The following TFEC variants were observed in gnomAD, a reference collection of about 807,000 sequenced individuals.
TFEC encodes class E basic helix-loop-helix protein 34.
In TFEC, 31 loss-of-function variants were observed where a neutral mutation model predicts 41.6. The ratio of observed to expected loss-of-function variants is 0.74; its 90% CI spans 0.56 to 1.01. The LOEUF (loss-of-function observed/expected upper bound fraction) is 1.01. Among genes scored for constraint, TFEC ranks in the 50% least tolerant of loss-of-function variants. The pLI is 0.00. For missense variants in TFEC, 402 were observed against 404.1 expected (o/e 0.99, Z 0.04); for synonymous variants, 143 against 140.6 (o/e 1.02, Z -0.12).
chr7:115,936,235 A>G lies in TFEC; in HGVS notation c.*4316T>C, dbSNP rs963709107. On this transcript the variant is annotated 3_prime_UTR_variant, in exon 8 of 8. Coordinates refer to ENST00000265440, the MANE Select transcript of TFEC (RefSeq NM_012252.4). ...GAAATGTATTTTGTATTTATTAGGT[A>G]AATGTAATGAAATCTCTGTATATAT... 1.3e-5 allele frequency: 2 copies of G among 151,632 alleles called. No homozygotes were observed. The highest frequency in any genetic ancestry group is 4.8e-5 in the African/African-American group (2 of 41,414). The allele number at this position is 151,632 out of a possible 1,614,324, so 9.4% of individuals were successfully genotyped here.
intron 1 of TFEC, among the ~76,000 whole-genome samples, chr7:115,991,696 C>G (rs1562918059): frequency 6.6e-6 from 1 of 152,054 alleles, no homozygotes; most frequent in Admixed American, 6.5e-5. Context: ...ATATATGCAC[C>G]CAATACAAGA....
At chr7:116,110,371 A>G (rs1042006935) in intron 3 of TFEC, among the ~76,000 whole-genome samples, 1 of 152,166 alleles carries the variant, frequency 6.6e-6, no homozygotes, top group Non-Finnish European at 1.5e-5. Flanking sequence ...ATGAGATGAT[A>G]TAAAACTTCT....
intron 3 of TFEC, among the ~76,000 whole-genome samples, chr7:115,962,101 CA>C (rs1792587297): frequency 1.3e-5 from 2 of 151,446 alleles, no homozygotes; most frequent in South Asian, 4.2e-4. Flanking sequence ...TAAATAGCAT[CA>C]AAAGGAATGA....
At chr7:116,015,411 A>C (rs1795152673) in intron 1 of TFEC, among the ~76,000 whole-genome samples, 1 of 151,392 alleles carries the variant, frequency 6.6e-6, no homozygotes, top group Middle Eastern at 3.2e-3. Context: ...AGTGTAGATG[A>C]GAACAAATTA....
chr7:116,131,056 G>A (rs1405493468), intron 1 of TFEC, among the ~76,000 whole-genome samples: 1 of 152,122 alleles, frequency 6.6e-6, no homozygotes, highest in Non-Finnish European at 1.5e-5. Flanking sequence ...CTACATTAAT[G>A]TGTATTAATA....
chr7:116,017,478 C>T (rs1248561783), intron 1 of TFEC, among the ~76,000 whole-genome samples: 3 of 152,122 alleles, frequency 2.0e-5, no homozygotes, highest in African/African-American at 7.2e-5. Context: ...ATCTTGGCCT[C>T]CCAAAGTGCT....
chr7:115,989,993 A>G (rs935920201), intron 1 of TFEC, among the ~76,000 whole-genome samples: 11 of 152,178 alleles, frequency 7.2e-5, no homozygotes, highest in Admixed American at 6.5e-4. Flanking sequence ...GCTGACTGAC[A>G]TCTCATACAG....
chr7:116,086,971 A>G (rs915517762), intron 3 of TFEC, among the ~76,000 whole-genome samples: 2 of 151,974 alleles, frequency 1.3e-5, no homozygotes, highest in African/African-American at 4.8e-5. Context: ...TGACATCATT[A>G]GCGCAGCAGC....
chr7:116,153,817 T>A (rs1295012094), intron 1 of TFEC, among the ~76,000 whole-genome samples: 2 of 152,036 alleles, frequency 1.3e-5, no homozygotes, highest in Non-Finnish European at 2.9e-5. Context: ...ACAGAAATTG[T>A]TGGACAAAAT....
intron 1 of TFEC, among the ~76,000 whole-genome samples, chr7:116,022,448 T>C (rs1795433164): frequency 6.6e-6 from 1 of 152,160 alleles, no homozygotes; most frequent in African/African-American, 2.4e-5. Context: ...AAACCTGGGC[T>C]CCCACTGACA....
intron 3 of TFEC, among the ~76,000 whole-genome samples, chr7:116,107,984 G>T (rs1797759619): frequency 6.6e-6 from 1 of 152,146 alleles, no homozygotes; most frequent in African/African-American, 2.4e-5. Flanking sequence ...GTTTTATCAT[G>T]AGGCTGTGAG....
At chr7:116,155,456 G>A (rs1013924268) in intron 1 of TFEC, among the ~76,000 whole-genome samples, 1 of 152,110 alleles carries the variant, frequency 6.6e-6, no homozygotes, top group East Asian at 1.9e-4. Flanking sequence ...AAACCTGCCA[G>A]CATCTACCTC....
At chr7:115,942,932 T>C (rs1344006311) in intron 6 of TFEC, among the ~76,000 whole-genome samples, 2 of 152,054 alleles carry the variant, frequency 1.3e-5, no homozygotes, top group African/African-American at 4.8e-5. Context: ...AAAACCTGGA[T>C]ACATTTTGAA....
intron 3 of TFEC, among the ~76,000 whole-genome samples, chr7:115,957,018 T>C (rs1792272294): frequency 6.6e-6 from 1 of 152,004 alleles, no homozygotes. Flanking sequence ...TATATGTGTT[T>C]AAGCAAAAAG....
At chr7:115,957,620 T>G (rs1792305183) in intron 3 of TFEC, among the ~76,000 whole-genome samples, 1 of 151,940 alleles carries the variant, frequency 6.6e-6, no homozygotes, top group Admixed American at 6.6e-5. Context: ...CAGAACAAGC[T>G]GCATTCACTA....
chr7:116,093,412 A>G (rs945404517), intron 3 of TFEC, among the ~76,000 whole-genome samples: 1 of 152,178 alleles, frequency 6.6e-6, no homozygotes, highest in Non-Finnish European at 1.5e-5. Context: ...CTTTTCAGAA[A>G]GAAAAGAAAA....
intron 5 of TFEC, among the ~76,000 whole-genome samples, chr7:115,951,658 G>T (rs1791950980): frequency 6.6e-6 from 1 of 152,076 alleles, no homozygotes; most frequent in Non-Finnish European, 1.5e-5. Context: ...GAAGTAGGGG[G>T]ACAAGAGTGG....
At chr7:116,015,715 G>A (rs1435268095) in intron 1 of TFEC, among the ~76,000 whole-genome samples, 1 of 152,186 alleles carries the variant, frequency 6.6e-6, no homozygotes, top group Non-Finnish European at 1.5e-5. Flanking sequence ...ACACCACGAT[G>A]AAGGGAAAGG....
exon 3 of TFEC, chr7:116,110,735 A>G: frequency 6.6e-7 from 1 of 1,525,568 alleles, no homozygotes; most frequent in Non-Finnish European, 8.8e-7. Flanking sequence ...ATTGACTTGA[A>G]TAAATTTGTG....
Sources: allele counts gnomAD v4.1 joint callset (sites outside exome capture counted in the v4.1 genomes callset), GRCh38; gene constraint gnomAD v4.1.1; transcripts MANE v1.5; gene names NCBI Gene and HGNC (gene_info 2026-07-23, HGNC 2026-07-21).